LAMA1: variants seen among roughly 807,000 people sequenced by gnomAD.
LAMA1 encodes laminin subunit alpha-1.
LAMA1 carries 219 observed loss-of-function variants against 348.7 expected under a neutral mutation model. The observed-to-expected ratio is 0.63, with a 90% CI of 0.56 to 0.70. The LOEUF is 0.70. LAMA1 is among the 30% of genes least tolerant of loss of function. The pLI, the probability that LAMA1 is intolerant of heterozygous loss-of-function variation, is 0.00. For synonymous variants in LAMA1, 1,487 were observed against 1,491.0 expected, an observed-to-expected ratio of 1.00 and a Z score of 0.06; for missense variants, 3,744 against 3,888.0, an observed-to-expected ratio of 0.96 and a Z score of 0.99.
In LAMA1 at chr18:6,947,236, G is replaced by A. The variant is rs771807858; in HGVS notation, c.8771C>T (p.Ser2924Leu). 173 of 1,614,042 alleles carry A rather than the reference G, an allele frequency of 1.1e-4. No individual in the cohort carries two copies. The highest frequency in any genetic ancestry group is 1.3e-4 in the Non-Finnish European group (158 of 1,180,048). Residue 2924 changes from serine (S) to leucine (L), a missense_variant, in exon 61 of 63, where the codon TCG (serine) becomes TTG (leucine). Ser to Leu is a moderately radical substitution (Grantham distance 145). Around this residue, in one of 3 missense-constraint regions of LAMA1, gnomAD observed 232 missense variants for 264.4 expected, o/e 0.88. Coordinates refer to ENST00000389658, the MANE Select transcript of LAMA1 (RefSeq NM_005559.4). ...VNITLEFRTS[S>L]QNGVLLGIST... ...GATCCCCAGGAGGACGCCATTCTGC[G>A]AGGAGGTTCGAAACTCCAGTGTGAT...
At position 6,950,879 on chromosome 18, in the gene LAMA1, T is replaced by C. The variant is rs2057543381; in HGVS notation, c.8300A>G (p.Gln2767Arg). The C allele has an allele frequency of 6.2e-7, 1 of 1,614,200 alleles. No individual in the cohort carries two copies. The highest frequency in any genetic ancestry group is 8.5e-7 in the Non-Finnish European group (1 of 1,180,050). Residue 2767 changes from glutamine to arginine, a missense_variant, in exon 58 of 63, where the codon CAG becomes CGG. By Grantham distance (43) the Gln-to-Arg change is conservative (BLOSUM62 1). Coordinates refer to ENST00000389658, the MANE Select transcript of LAMA1 (RefSeq NM_005559.4). ...HQNQADYAVL[Q>R]LHGGRLHFMF... ...GAAGTGGAGGCGGCCCCCGTGCAGC[T>C]GGAGCACAGCGTAGTCTGCTTGGTT...
intron 1 of LAMA1, among the ~76,000 whole-genome samples, chr18:7,081,640 C>T (rs1348714342): frequency 6.6e-6 from 1 of 152,152 alleles, no homozygotes; most frequent in Non-Finnish European, 1.5e-5. Flanking sequence ...TACCTCCATT[C>T]GGTTCTTTGG....
chr18:7,062,487 C>A (rs1381202778), intron 3 of LAMA1, among the ~76,000 whole-genome samples: 1 of 152,162 alleles, frequency 6.6e-6, no homozygotes, highest in East Asian at 1.9e-4. Context: ...AACGCTTAGA[C>A]CATCCCAGGG....
intron 3 of LAMA1, among the ~76,000 whole-genome samples, chr18:7,066,626 C>A (rs1027400974): frequency 6.6e-6 from 1 of 152,106 alleles, no homozygotes; most frequent in African/African-American, 2.4e-5. Context: ...TTAGCTTAGT[C>A]CTCCCAAAGA....
intron 36 of LAMA1, among the ~76,000 whole-genome samples, chr18:6,991,082 C>T (rs1005166488): frequency 1.3e-5 from 2 of 152,088 alleles, no homozygotes; most frequent in African/African-American, 2.4e-5. Context: ...ATTCCCCCTG[C>T]GCAAGGCCTT....
chr18:6,956,398 C>T (rs1209602447), intron 56 of LAMA1: 2 of 677,224 alleles, frequency 3.0e-6, no homozygotes, highest in Non-Finnish European at 5.4e-6. Context: ...TATACATCAG[C>T]CCAATGCGCG....
chr18:7,055,645 T>G (rs2058078634), intron 3 of LAMA1, among the ~76,000 whole-genome samples: 3 of 152,018 alleles, frequency 2.0e-5, no homozygotes. Context: ...TCTATCTCAT[T>G]ATAGTCACTC....
chr18:7,028,684 G>T (rs368609762), intron 16 of LAMA1, among the ~76,000 whole-genome samples: 2 of 152,306 alleles, frequency 1.3e-5, no homozygotes, highest in East Asian at 3.9e-4. Flanking sequence ...ACTGGAAATG[G>T]TACATACATG....
At chr18:7,047,740 A>T (rs1402539599) in intron 5 of LAMA1, among the ~76,000 whole-genome samples, 1 of 152,156 alleles carries the variant, frequency 6.6e-6, no homozygotes, top group African/African-American at 2.4e-5. Context: ...CCACAATAAT[A>T]AGGTTGAATA....
At chr18:7,092,194 A>T (rs2058242025) in intron 1 of LAMA1, among the ~76,000 whole-genome samples, 1 of 152,188 alleles carries the variant, frequency 6.6e-6, no homozygotes, top group Admixed American at 6.5e-5. Context: ...AAGCACATAT[A>T]CTTTGAACCT....
In LAMA1 at chr18:7,080,072, G is replaced by A; in HGVS notation, c.248C>T (p.Ser83Leu). Residue 83 changes from serine to leucine, a missense_variant, in exon 3 of 63, where the codon TCA (serine) becomes TTA (leucine). Transcript: ENST00000389658. ...SANPRERHPI[S>L]HAIDGTNNWW... ...GTTATTGGTGCCATCTATGGCATGT[G>A]ATATTGGATGGCGTTCTGTTGAAAG... is the stretch of plus-strand genomic sequence containing the variant. The A allele has an allele frequency of 6.2e-7, 1 of 1,612,174 alleles. No individual in the cohort carries two copies. The highest frequency in any genetic ancestry group is 8.5e-7 in the Non-Finnish European group (1 of 1,178,176).
At chr18:7,090,563 G>T (rs2058235793) in intron 1 of LAMA1, among the ~76,000 whole-genome samples, 1 of 152,112 alleles carries the variant, frequency 6.6e-6, no homozygotes, top group African/African-American at 2.4e-5. Flanking sequence ...TAAAAGAAAA[G>T]CTTTAAGATA....
intron 3 of LAMA1, among the ~76,000 whole-genome samples, chr18:7,059,514 T>C (rs1365030222): frequency 6.6e-6 from 1 of 152,196 alleles, no homozygotes; most frequent in East Asian, 1.9e-4. Context: ...CAGACAGGAA[T>C]GTTCATGTGG....
rs776861785 is a variant in LAMA1, at chr18:6,956,522, TCCAGCTCCAGC to T, written c.8094+103_8094+113del. 9.8e-6 allele frequency: 15 copies of T among 1,529,868 alleles called. No homozygotes were observed. The Admixed American group carries it at 1.3e-4, about 14-fold the overall frequency. The allele number at this position is 1,529,868 out of a possible 1,614,324, so 94.8% of individuals were successfully genotyped here. ...TTTTTAGCACAGCTCCAGCTCCAGC[TCCAGCTCCAGC>T]TTTCGCAGGCACCTTTACAGCAAGG... On this transcript the variant is annotated intron_variant, in intron 56 of 62. Coordinates refer to ENST00000389658, the MANE Select transcript of LAMA1 (RefSeq NM_005559.4).
intron 1 of LAMA1, among the ~76,000 whole-genome samples, chr18:7,089,479 C>A (rs141569993): frequency 6.6e-6 from 1 of 152,188 alleles, no homozygotes; most frequent in African/African-American, 2.4e-5. Context: ...TCCAGGATCC[C>A]GTGCATCTCA....
rs1281153674 is a variant in LAMA1, at chr18:6,965,288, C to T, written c.7195G>A (p.Gly2399Arg). The T allele has an allele frequency of 2.5e-6, 4 of 1,614,084 alleles. No individual in the cohort carries two copies. Among genetic ancestry groups the T allele is most frequent in the East Asian group, 2.2e-5 (1 of 44,892 alleles). Residue 2399 changes from glycine to arginine, a missense_variant and splice_region_variant, in exon 50 of 63, where the codon GGA becomes AGA. Physicochemically the swap from Gly to Arg is moderately radical, Grantham distance 125. Transcript: ENST00000389658. ...CTGGTGAGTCCATCTGTGTCCCTAC[C>T]TTGCTTCCGGTTTCGCTGGAAGGCA... is the stretch of plus-strand genomic sequence containing the variant. Reference protein sequence around the residue: ...KIAFQRNRKQGVLAVIDAYNT... With the variant: ...KIAFQRNRKQRVLAVIDAYNT...
intron 55 of LAMA1, 95 bp downstream of exon 55, chr18:6,958,382 A>C (rs16950879): frequency 1.4e-6 from 2 of 1,402,338 alleles, no homozygotes; most frequent in South Asian, 1.2e-5. Context: ...CAAAGTTTTC[A>C]ATCTCAAACA....
chr18:6,979,661 A>G (rs2057699465), intron 42 of LAMA1, among the ~76,000 whole-genome samples: 1 of 152,224 alleles, frequency 6.6e-6, no homozygotes, highest in Admixed American at 6.5e-5. Context: ...ACACTTTGGG[A>G]GGCCAAGGCG....
intron 3 of LAMA1, among the ~76,000 whole-genome samples, chr18:7,063,320 A>C (rs550373386): frequency 1.3e-5 from 2 of 152,150 alleles, no homozygotes; most frequent in East Asian, 3.9e-4. Context: ...TTTAAAGCTT[A>C]TTTTTTAAAA....
Sources: allele counts gnomAD v4.1 joint callset (sites outside exome capture counted in the v4.1 genomes callset), GRCh38; gene constraint gnomAD v4.1.1; regional missense constraint gnomAD v4.1.1; transcripts MANE v1.5; gene names NCBI Gene and HGNC (gene_info 2026-07-23, HGNC 2026-07-21).